The following SREK1IP1 variants were observed in gnomAD, a reference collection of about 807,000 sequenced individuals.
The protein encoded by SREK1IP1 is protein SREK1IP1.
In SREK1IP1, 12 loss-of-function variants were observed where a neutral mutation model predicts 22.8. That is an observed-to-expected ratio of 0.53 (90% CI 0.34 to 0.85). The LOEUF (loss-of-function observed/expected upper bound fraction) is 0.85, where lower values mean the gene tolerates loss of function less well. SREK1IP1 is among the 40% of genes least tolerant of loss of function. The probability of loss-of-function intolerance (pLI) is 0.02; values close to 1 mark genes in which losing one functional copy is unlikely to be tolerated. For missense variants in SREK1IP1, 147 were observed against 171.8 expected (o/e 0.86, Z 0.81); for synonymous variants, 53 against 52.7 (o/e 1.01, Z -0.02).
At chr5:64,741,892 T>A (rs533827343) in intron 2 of SREK1IP1, among the ~76,000 whole-genome samples, 1 of 152,038 alleles carries the variant, frequency 6.6e-6, no homozygotes, top group South Asian at 2.1e-4. Context: ...TTTCAATTCA[T>A]TTAAGGAAAA....
intron 2 of SREK1IP1, among the ~76,000 whole-genome samples, chr5:64,741,753 T>G (rs561459501): frequency 6.6e-6 from 1 of 152,182 alleles, no homozygotes; most frequent in African/African-American, 2.4e-5. Context: ...ATAAGAAAAC[T>G]ACAACAGTTA....
intron 2 of SREK1IP1, among the ~76,000 whole-genome samples, chr5:64,747,425 C>T (rs1742657134): frequency 6.6e-6 from 1 of 152,128 alleles, no homozygotes; most frequent in Non-Finnish European, 1.5e-5. Context: ...AAAGATGCTC[C>T]TATCACCCGT....
At chr5:64,762,776 G>T (rs1490667939) in intron 1 of SREK1IP1, among the ~76,000 whole-genome samples, 1 of 152,212 alleles carries the variant, frequency 6.6e-6, no homozygotes, top group South Asian at 2.1e-4. Context: ...CATAGGCCAG[G>T]TGTGGTGGCT....
chr5:64,724,593 C>A lies in SREK1IP1; in HGVS notation c.279-20G>T. ...TAAGACCTATGGATAATAATACATA[C>A]TGACTGAGAATTGCATTTATGACTG... On this transcript the variant is annotated intron_variant, in intron 4 of 4. Coordinates refer to ENST00000513458, the MANE Select transcript of SREK1IP1 (RefSeq NM_173829.4). 6.7e-7 allele frequency: 1 copy of A among 1,482,554 alleles called. No homozygotes were observed. The highest frequency in any genetic ancestry group is 1.5e-5 in the South Asian group (1 of 67,652). 91.8% of individuals were successfully genotyped at this position (1,482,554 alleles called of 1,614,324 possible).
At chr5:64,756,910 T>A (rs1742851617) in intron 1 of SREK1IP1, among the ~76,000 whole-genome samples, 1 of 152,142 alleles carries the variant, frequency 6.6e-6, no homozygotes, top group Admixed American at 6.5e-5. Flanking sequence ...ACAGGTATTA[T>A]TCCATTTTCC....
At chr5:64,762,912 C>T (rs566505513) in intron 1 of SREK1IP1, among the ~76,000 whole-genome samples, 4 of 150,528 alleles carry the variant, frequency 2.7e-5, no homozygotes, top group South Asian at 4.1e-4. Context: ...ATTAGCCAGG[C>T]GTGGTGGTGG....
At chr5:64,734,252 A>G (rs1742422089) in intron 3 of SREK1IP1, among the ~76,000 whole-genome samples, 1 of 152,134 alleles carries the variant, frequency 6.6e-6, no homozygotes, top group Non-Finnish European at 1.5e-5. Flanking sequence ...ATCTATCTTT[A>G]CATCGATACT....
Position 64,768,604 on chromosome 5 carries a change from G to C in SREK1IP1, c.-87C>G, listed in dbSNP as rs938441474. ...GCTGTGAGAACAAGGCACAGTCAAAGCGGCGTTTTCCTTCCCCCAGCGCAG... is the reference window on the plus strand; with the variant it reads ...GCTGTGAGAACAAGGCACAGTCAAACCGGCGTTTTCCTTCCCCCAGCGCAG... On this transcript the variant is annotated 5_prime_UTR_variant, in exon 1 of 5. Coordinates refer to ENST00000513458, the MANE Select transcript of SREK1IP1 (RefSeq NM_173829.4). 14 of 1,602,730 alleles carry C rather than the reference G, an allele frequency of 8.7e-6. No individual in the cohort carries two copies. The highest frequency in any genetic ancestry group is 2.7e-5 in the African/African-American group (2 of 74,732).
At position 64,723,632 on chromosome 5, in the gene SREK1IP1, C is replaced by G. The variant is rs558838257; in HGVS notation, c.*752G>C. 12 of 152,706 alleles carry G rather than the reference C, an allele frequency of 7.9e-5. No individual in the cohort carries two copies. In the East Asian group the frequency reaches 2.3e-3, roughly 30 times the overall value. The allele number at this position is 152,706 out of a possible 1,614,324, so 9.5% of individuals were successfully genotyped here. ...ACCCAGGAGTCTATTCTAAAAATCA[C>G]AACCAACTCAGCATCATCTCTGCAG... On this transcript the variant is annotated 3_prime_UTR_variant, in exon 5 of 5. Coordinates refer to ENST00000513458, the MANE Select transcript of SREK1IP1 (RefSeq NM_173829.4).
At chr5:64,750,079 C>G (rs941247283) in intron 2 of SREK1IP1, among the ~76,000 whole-genome samples, 2 of 152,142 alleles carry the variant, frequency 1.3e-5, no homozygotes, top group African/African-American at 4.8e-5. Flanking sequence ...TAACTCTTTA[C>G]CCCAAGCCCT....
At chr5:64,758,325 C>T (rs1375994951) in intron 1 of SREK1IP1, among the ~76,000 whole-genome samples, 1 of 152,170 alleles carries the variant, frequency 6.6e-6, no homozygotes, top group East Asian at 1.9e-4. Context: ...CCTGCCACCA[C>T]ACCCGGCTAA....
At position 64,732,838 on chromosome 5, in the gene SREK1IP1, G is replaced by A. The variant is rs144008095; in HGVS notation, c.206-4659C>T. On this transcript the variant is annotated intron_variant, in intron 3 of 4. Transcript: ENST00000513458. ...ATAAAGACTATGTGGTATTAGTGGA[G>A]GCAAAGACACATTAATCAATGAAAC... Among the ~76,000 whole-genome samples, 4 of 151,698 alleles carry A rather than the reference G, an allele frequency of 2.6e-5. No individual in the cohort carries two copies. The East Asian group carries it at 7.7e-4, about 29-fold the overall frequency.
chr5:64,766,760 A>G (rs1390378815), intron 1 of SREK1IP1, among the ~76,000 whole-genome samples: 5 of 152,234 alleles, frequency 3.3e-5, no homozygotes, highest in African/African-American at 1.2e-4. Context: ...CTGTCTCATA[A>G]TAGGCAAATT....
In SREK1IP1 at chr5:64,722,732, A is replaced by C. The variant is rs1009662560; in HGVS notation, c.*1652T>G. The C allele has an allele frequency of 6.6e-6, 1 of 152,176 alleles. No homozygotes were observed. The highest frequency in any genetic ancestry group is 1.5e-5 in the Non-Finnish European group (1 of 68,030). The allele number at this position is 152,176 out of a possible 1,614,324, so 9.4% of individuals were successfully genotyped here. On this transcript the variant is annotated 3_prime_UTR_variant, in exon 5 of 5. Transcript: ENST00000513458. ...TTCCTTTTGAGAGGCCCAAATGACT[A>C]AATTAGGTTATGGAAGGGTTGAAAG... is the stretch of plus-strand genomic sequence containing the variant.
intron 1 of SREK1IP1, among the ~76,000 whole-genome samples, chr5:64,757,458 T>C (rs978793546): frequency 1.3e-5 from 2 of 152,232 alleles, no homozygotes; most frequent in African/African-American, 4.8e-5. Flanking sequence ...ATGCAAGTAT[T>C]GTTCTAATGT....
At position 64,763,518 on chromosome 5, in the gene SREK1IP1, CA is replaced by C. The variant is rs1683196028; in HGVS notation, c.13+4986del. Among the ~76,000 whole-genome samples, 5 of 151,656 alleles carry C rather than the reference CA, an allele frequency of 3.3e-5. No homozygotes were observed. In the East Asian group the frequency reaches 9.7e-4, roughly 29 times the overall value. ...TGCCACTGCACTCCAGCCTGGGCGA[CA>C]GAGCGAGACTCCGTCACCCCCTCCC... is the stretch of plus-strand genomic sequence containing the variant. On this transcript the variant is annotated intron_variant, in intron 1 of 4. Coordinates refer to ENST00000513458, the MANE Select transcript of SREK1IP1 (RefSeq NM_173829.4).
chr5:64,725,959 G>A (rs1168621617), intron 4 of SREK1IP1, among the ~76,000 whole-genome samples: 5 of 145,084 alleles, frequency 3.4e-5, no homozygotes, highest in African/African-American at 5.1e-5. Context: ...CCGCTCCCCC[G>A]AGTTCAAGCA....
At chr5:64,746,655 G>A (rs1203665698) in intron 2 of SREK1IP1, among the ~76,000 whole-genome samples, 1 of 152,172 alleles carries the variant, frequency 6.6e-6, no homozygotes, top group Admixed American at 6.5e-5. Context: ...TACCTATGAG[G>A]ATGATCTGAA....
intron 1 of SREK1IP1, among the ~76,000 whole-genome samples, chr5:64,766,629 C>T (rs546855455): frequency 1.3e-5 from 2 of 152,174 alleles, no homozygotes; most frequent in Non-Finnish European, 2.9e-5. Context: ...AATGCCAAAC[C>T]TCTTGTCATG....
Sources: allele counts gnomAD v4.1 joint callset (sites outside exome capture counted in the v4.1 genomes callset), GRCh38; gene constraint gnomAD v4.1.1; transcripts MANE v1.5; gene names NCBI Gene and HGNC (gene_info 2026-07-23, HGNC 2026-07-21).